MAGI2: variants seen among roughly 807,000 people sequenced by gnomAD.
MAGI2 encodes the protein membrane-associated guanylate kinase, WW and PDZ domain-containing protein 2.
MAGI2 carries 35 observed loss-of-function variants against 133.3 expected under a neutral mutation model. The observed-to-expected ratio is 0.26, with a 90% CI of 0.20 to 0.35. The LOEUF is 0.35. MAGI2 is among the 10% of genes least tolerant of loss of function. MAGI2 has a pLI of 1.00. For missense variants in MAGI2, 1,636 were observed against 1,863.4 expected (o/e 0.88, Z 2.25); for synonymous variants, 729 against 710.6 (o/e 1.03, Z -0.41).
intron 17 of MAGI2, 33 bp downstream of exon 17, chr7:78,134,988 C>A (rs747615158): frequency 1.3e-6 from 2 of 1,599,290 alleles, no homozygotes; most frequent in Non-Finnish European, 1.7e-6. Flanking sequence ...CATGTGTTGG[C>A]CGCCTCTCTG....
chr7:78,998,830 G>A (rs979813197), intron 2 of MAGI2, among the ~76,000 whole-genome samples: 1 of 152,040 alleles, frequency 6.6e-6, no homozygotes, highest in African/African-American at 2.4e-5. Context: ...TGGAAACTTG[G>A]GTAGGTCTGA....
chr7:79,434,059 C>A (rs930523041), intron 1 of MAGI2, among the ~76,000 whole-genome samples: 10 of 151,326 alleles, frequency 6.6e-5, no homozygotes, highest in Admixed American at 2.6e-4. Flanking sequence ...TCAAATAGAA[C>A]AATTTTATTT....
At chr7:78,864,902 T>A (rs866471306) in intron 2 of MAGI2, among the ~76,000 whole-genome samples, 2 of 152,150 alleles carry the variant, frequency 1.3e-5, no homozygotes, top group Non-Finnish European at 2.9e-5. Context: ...AAGAAACACA[T>A]GTGAGCAAAG....
At chr7:78,461,425 T>TGTGTGTGTGTGTGTGTGTGTG (rs1790005425) in intron 6 of MAGI2, among the ~76,000 whole-genome samples, 25 of 150,342 alleles carry the variant, frequency 1.7e-4, no homozygotes, top group South Asian at 1.3e-3. Flanking sequence ...TGTGTGTGTG[T>TGTGTGTGTGTGTGTGTGTGTG]TGGGATATAT....
chr7:79,308,562 C>G (rs1336106100), intron 1 of MAGI2, among the ~76,000 whole-genome samples: 2 of 152,148 alleles, frequency 1.3e-5, no homozygotes, highest in Admixed American at 1.3e-4. Context: ...GTATTCATGT[C>G]CACAAACAAA....
intron 21 of MAGI2, among the ~76,000 whole-genome samples, chr7:78,048,880 G>A (rs1013780637): frequency 3.3e-5 from 5 of 152,012 alleles, no homozygotes; most frequent in East Asian, 1.9e-4. Context: ...AGGCTGAGGC[G>A]GGTGGATCAC....
At chr7:79,108,655 A>G (rs1247389208) in intron 1 of MAGI2, among the ~76,000 whole-genome samples, 1 of 152,146 alleles carries the variant, frequency 6.6e-6, no homozygotes, top group Non-Finnish European at 1.5e-5. Context: ...TCTAGATTTT[A>G]CCATATAACT....
At chr7:78,454,140 T>C (rs1385728960) in intron 6 of MAGI2, among the ~76,000 whole-genome samples, 2 of 152,170 alleles carry the variant, frequency 1.3e-5, no homozygotes, top group Admixed American at 6.5e-5. Flanking sequence ...ACATATACCC[T>C]GACTAACAGA....
At chr7:78,884,470 C>T (rs7789403) in intron 2 of MAGI2, among the ~76,000 whole-genome samples, 9,578 of 152,128 alleles carry the variant, frequency 0.063, 371 homozygotes, top group Middle Eastern at 0.11. Flanking sequence ...GAGCAAGACC[C>T]TGTCTCCAAA....
chr7:78,409,044 G>A (rs903287437), intron 6 of MAGI2, among the ~76,000 whole-genome samples: 1 of 151,958 alleles, frequency 6.6e-6, no homozygotes, highest in Non-Finnish European at 1.5e-5. Context: ...ACTAAGATGG[G>A]CACTACCATA....
At chr7:78,085,550 CCACACA>C (rs10636313) in intron 20 of MAGI2, among the ~76,000 whole-genome samples, 23 of 121,040 alleles carry the variant, frequency 1.9e-4, no homozygotes, top group Middle Eastern at 4.3e-3. Context: ...AATAAAACTC[CCACACA>C]CACACACACA....
chr7:79,136,891 T>C (rs1395701733), intron 1 of MAGI2, among the ~76,000 whole-genome samples: 1 of 152,144 alleles, frequency 6.6e-6, no homozygotes, highest in African/African-American at 2.4e-5. Flanking sequence ...AGGTTGGAGA[T>C]GAAACACTTG....
chr7:78,279,273 A>G (rs990329181), intron 9 of MAGI2, among the ~76,000 whole-genome samples: 2 of 150,314 alleles, frequency 1.3e-5, no homozygotes, highest in East Asian at 4.0e-4. Flanking sequence ...ATGTCTGAAC[A>G]ATTTTGATGA....
chr7:78,832,037 A>G (rs909121693), intron 2 of MAGI2, among the ~76,000 whole-genome samples: 1 of 152,008 alleles, frequency 6.6e-6, no homozygotes, highest in Non-Finnish European at 1.5e-5. Context: ...GTGGTAAGTG[A>G]CCTTTTAAAA....
chr7:78,851,040 G>A (rs1453334523), intron 2 of MAGI2, among the ~76,000 whole-genome samples: 1 of 152,008 alleles, frequency 6.6e-6, no homozygotes, highest in African/African-American at 2.4e-5. Flanking sequence ...TAAACTTAGA[G>A]ATTTATTTTA....
Position 79,046,320 on chromosome 7 carries a change from G to A in MAGI2, c.302-39114C>T, listed in dbSNP as rs143974924. ...CCTTAAAGGAAGACACACACACAGAGGGAAAACCACAAGAAGACACCAGAA... is the reference window on the plus strand; with the variant it reads ...CCTTAAAGGAAGACACACACACAGAAGGAAAACCACAAGAAGACACCAGAA... On this transcript the variant is annotated intron_variant, in intron 1 of 21. Transcript: ENST00000354212. Among the ~76,000 whole-genome samples, 10 of 152,202 alleles carry A rather than the reference G, an allele frequency of 6.6e-5. No homozygotes were observed. In the East Asian group the frequency reaches 1.7e-3, roughly 26 times the overall value.
At chr7:78,392,407 C>A (rs1380617252) in intron 6 of MAGI2, among the ~76,000 whole-genome samples, 2 of 152,060 alleles carry the variant, frequency 1.3e-5, no homozygotes, top group South Asian at 2.1e-4. Context: ...AGAGAATGGG[C>A]AAAAGTGGTG....
intron 3 of MAGI2, among the ~76,000 whole-genome samples, chr7:78,608,820 T>C (rs907834475): frequency 6.6e-6 from 1 of 152,188 alleles, no homozygotes; most frequent in African/African-American, 2.4e-5. Context: ...ATCACCCCTT[T>C]TCTCTGCTAG....
At chr7:78,865,022 T>G (rs946167511) in intron 2 of MAGI2, among the ~76,000 whole-genome samples, 1 of 152,168 alleles carries the variant, frequency 6.6e-6, no homozygotes, top group Non-Finnish European at 1.5e-5. Flanking sequence ...TTGTGCTTTA[T>G]AGAGTATTGC....
Sources: gnomAD v4.1 joint callset for allele counts (sites outside exome capture counted in the v4.1 genomes callset) on GRCh38, gnomAD v4.1.1 for gene constraint, MANE v1.5 for transcripts, NCBI Gene and HGNC (gene_info 2026-07-23, HGNC 2026-07-21) for gene names.